The following IQSEC3 variants were observed in gnomAD, a reference collection of about 807,000 sequenced individuals.
IQSEC3 encodes IQ motif and SEC7 domain-containing protein 3.
A neutral mutation model predicts 105.4 loss-of-function variants in IQSEC3; 50 were observed. The observed-to-expected ratio is 0.47, with a 90% confidence interval of 0.38 to 0.60. The LOEUF (loss-of-function observed/expected upper bound fraction) is 0.60, where lower values mean the gene tolerates loss of function less well. Among genes scored for constraint, IQSEC3 ranks in the 20% least tolerant of loss-of-function variants. IQSEC3 has a pLI of 0.00. For missense variants in IQSEC3, 1,415 were observed against 1,630.0 expected (o/e 0.87, Z 2.27); for synonymous variants, 708 against 746.0 (o/e 0.95, Z 0.83).
intron 5 of IQSEC3, among the ~76,000 whole-genome samples, chr12:155,916 G>A (rs892755729): frequency 3.3e-5 from 5 of 152,174 alleles, no homozygotes; most frequent in Admixed American, 2.0e-4. Flanking sequence ...CCAATCTAAC[G>A]CGCTTGGTCT....
intron 5 of IQSEC3, chr12:148,685 G>A (rs543444921): frequency 2.3e-4 from 35 of 152,322 alleles, no homozygotes; most frequent in African/African-American, 8.2e-4. Context: ...TCTGGAGGAT[G>A]GGGATATTTT....
chr12:170,371 C>T (rs1359408174), intron 12 of IQSEC3, among the ~76,000 whole-genome samples: 2 of 70,294 alleles, frequency 2.8e-5, no homozygotes, highest in Admixed American at 2.1e-4. Context: ...TCCCCAGGGA[C>T]GTGTCCCTTA....
intron 2 of IQSEC3, among the ~76,000 whole-genome samples, chr12:117,462 C>T (rs550050271): frequency 6.6e-6 from 1 of 152,348 alleles, no homozygotes; most frequent in East Asian, 1.9e-4. Context: ...GAGGCGGTGC[C>T]TGAGGAGGCC....
intron 1 of IQSEC3, among the ~76,000 whole-genome samples, chr12:95,396 A>G (rs541404581): frequency 6.6e-6 from 1 of 152,346 alleles, no homozygotes; most frequent in East Asian, 1.9e-4. Context: ...AACATTGCCC[A>G]TGATCTAGTC....
intron 7 of IQSEC3, among the ~76,000 whole-genome samples, chr12:158,314 C>T (rs1866767708): frequency 6.6e-6 from 1 of 152,226 alleles, no homozygotes. Context: ...GAGGCAACCA[C>T]TTTTGACTTT....
At chr12:115,043 G>A (rs1565406259) in intron 2 of IQSEC3, among the ~76,000 whole-genome samples, 2 of 152,344 alleles carry the variant, frequency 1.3e-5, no homozygotes, top group East Asian at 3.9e-4. Flanking sequence ...CTTCCAGTAG[G>A]ACCACTGAAG....
chr12:135,038 G>A (rs1865717710), intron 3 of IQSEC3, among the ~76,000 whole-genome samples: 1 of 152,240 alleles, frequency 6.6e-6, no homozygotes, highest in Admixed American at 6.5e-5. Context: ...GCTGAGGCAG[G>A]AGAATCGCTT....
At chr12:95,338 T>C (rs1240720026) in intron 1 of IQSEC3, among the ~76,000 whole-genome samples, 20 of 152,228 alleles carry the variant, frequency 1.3e-4, no homozygotes, top group Admixed American at 2.0e-4. Flanking sequence ...CTATAGATTA[T>C]ATATAATCTG....
At chr12:153,439 A>T (rs1427870801) in intron 5 of IQSEC3, among the ~76,000 whole-genome samples, 1 of 152,100 alleles carries the variant, frequency 6.6e-6, no homozygotes, top group East Asian at 1.9e-4. Flanking sequence ...CAGTCCTGAG[A>T]GGTCACCTGG....
At chr12:162,694 C>G (rs1483583004) in intron 8 of IQSEC3, among the ~76,000 whole-genome samples, 2 of 152,184 alleles carry the variant, frequency 1.3e-5, no homozygotes, top group African/African-American at 4.8e-5. Flanking sequence ...CAGGGACAGG[C>G]TTTTCTGCTT....
chr12:115,648 C>T (rs1262428505), intron 2 of IQSEC3, among the ~76,000 whole-genome samples: 1 of 152,182 alleles, frequency 6.6e-6, no homozygotes, highest in African/African-American at 2.4e-5. Flanking sequence ...CTCACTCTCA[C>T]AGCAAAATCA....
intron 2 of IQSEC3, among the ~76,000 whole-genome samples, chr12:123,575 A>G (rs1421743537): frequency 6.6e-6 from 1 of 152,242 alleles, no homozygotes; most frequent in African/African-American, 2.4e-5. Flanking sequence ...AGGGCCAGCC[A>G]GCAAGCACTC....
At chr12:110,868 A>AG (rs547465019) in intron 2 of IQSEC3, among the ~76,000 whole-genome samples, 3 of 152,278 alleles carry the variant, frequency 2.0e-5, no homozygotes, top group South Asian at 4.1e-4. Context: ...CTTCTCTAAG[A>AG]GGGTACCTGT....
chr12:174,476 C>T (rs2291917), intron 13 of IQSEC3, 123 bp from the exon 14 acceptor site: 338,912 of 869,620 alleles, frequency 0.39, 68,789 homozygotes, highest in Middle Eastern at 0.42. Context: ...GGAGAGATGG[C>T]GAGAGGGTCA....
chr12:81,433 C>T (rs1385817101), intron 1 of IQSEC3, among the ~76,000 whole-genome samples: 2 of 152,050 alleles, frequency 1.3e-5, no homozygotes, highest in Non-Finnish European at 2.9e-5. Flanking sequence ...GTTACACAGC[C>T]CAGGTAAGAG....
intron 5 of IQSEC3, among the ~76,000 whole-genome samples, chr12:156,351 A>G (rs4082097): frequency 0.31 from 47,015 of 151,984 alleles, 7,733 homozygotes; most frequent in Non-Finnish European, 0.36. Flanking sequence ...AGGAGGGCCC[A>G]GACCAGAATC....
intron 1 of IQSEC3, among the ~76,000 whole-genome samples, chr12:98,771 A>G (rs1864320276): frequency 1.3e-5 from 2 of 152,246 alleles, no homozygotes; most frequent in African/African-American, 4.8e-5. Context: ...TTGCAGGACC[A>G]TCGTGGAGAA....
Position 138,203 on chromosome 12 carries a change from C to T in IQSEC3, c.904-64C>T. The stretch of plus-strand genomic sequence containing the variant: ...AGTGTGGCCGGGTGACTCCACCACT[C>T]CTCAGAAGGGCTGACCACCCTTCCC... On this transcript the variant is annotated intron_variant, in intron 3 of 13. Transcript: ENST00000538872. This position sits in a 1 kb window ranked among gnomAD's most constrained non-coding sequence, Gnocchi z 7.1. The T allele has an allele frequency of 6.9e-7, 1 of 1,454,544 alleles. No individual in the cohort carries two copies. Among genetic ancestry groups the T allele is most frequent in the Non-Finnish European group, 9.4e-7 (1 of 1,060,910 alleles). The allele number at this position is 1,454,544 out of a possible 1,614,324, so 90.1% of individuals were successfully genotyped here. A position where few individuals can be genotyped will look rare whatever the true frequency, so the allele number is the denominator to read the frequency against.
At chr12:97,621 G>T (rs375448895) in intron 1 of IQSEC3, among the ~76,000 whole-genome samples, 1 of 152,130 alleles carries the variant, frequency 6.6e-6, no homozygotes, top group African/African-American at 2.4e-5. Context: ...TCGAGACCAG[G>T]CTGGGCAACA....
Sources: allele counts gnomAD v4.1 joint callset (sites outside exome capture counted in the v4.1 genomes callset), GRCh38; gene constraint gnomAD v4.1.1; non-coding constraint Gnocchi (gnomAD v3.1); transcripts MANE v1.5; gene names NCBI Gene and HGNC (gene_info 2026-07-23, HGNC 2026-07-21).